The following PAG1 variants were observed in gnomAD, a reference collection of about 807,000 sequenced individuals.
PAG1 encodes the protein phosphoprotein membrane anchor with glycosphingolipid microdomains 1, also known as phosphoprotein associated with glycosphingolipid-enriched microdomains 1.
Under a neutral mutation model 31.7 loss-of-function variants are expected in PAG1, and 23 were observed. That is an observed-to-expected ratio of 0.73 (90% CI 0.52 to 1.03). PAG1 has a LOEUF of 1.03. Among genes scored for constraint, PAG1 ranks in the 50% least tolerant of loss-of-function variants. The pLI, the probability that PAG1 is intolerant of heterozygous loss-of-function variation, is 0.00. For synonymous variants in PAG1, 214 were observed against 210.3 expected, an observed-to-expected ratio of 1.02 and a Z score of -0.15; for missense variants, 473 against 540.7, an observed-to-expected ratio of 0.87 and a Z score of 1.24.
intron 1 of PAG1, among the ~76,000 whole-genome samples, chr8:81,083,678 T>C (rs1034471078): frequency 1.1e-4 from 16 of 152,222 alleles, no homozygotes; most frequent in African/African-American, 3.1e-4. Context: ...TTTCATCTTT[T>C]ACTTATTTGT....
intron 4 of PAG1, among the ~76,000 whole-genome samples, chr8:80,991,925 T>A (rs963791708): frequency 2.7e-5 from 4 of 150,060 alleles, no homozygotes; most frequent in Non-Finnish European, 5.9e-5. Flanking sequence ...CACACTGCAG[T>A]GGGATGGAGA....
At chr8:80,982,937 TCTC>T (rs1280578275) in intron 7 of PAG1, among the ~76,000 whole-genome samples, 1 of 152,140 alleles carries the variant, frequency 6.6e-6, no homozygotes, top group East Asian at 1.9e-4. Context: ...ACCCAATTGT[TCTC>T]CTCACTTCTA....
chr8:81,037,479 G>A (rs562955731), intron 2 of PAG1, among the ~76,000 whole-genome samples: 25 of 152,278 alleles, frequency 1.6e-4, no homozygotes, highest in African/African-American at 5.5e-4. Context: ...TCAAATGACC[G>A]AAGTGTTCAA....
intron 1 of PAG1, among the ~76,000 whole-genome samples, chr8:81,104,943 C>T (rs536137840): frequency 6.6e-6 from 1 of 152,236 alleles, no homozygotes; most frequent in Admixed American, 6.5e-5. Context: ...TCTCCATCTC[C>T]AGTCTCACTC....
chr8:80,982,365 A>C (rs1807325729), intron 7 of PAG1, among the ~76,000 whole-genome samples: 1 of 151,278 alleles, frequency 6.6e-6, no homozygotes, highest in African/African-American at 2.4e-5. Flanking sequence ...GCGGCCCGCC[A>C]CTCCTTCCTT....
At chr8:81,041,664 C>T (rs1443597350) in intron 2 of PAG1, among the ~76,000 whole-genome samples, 2 of 152,192 alleles carry the variant, frequency 1.3e-5, no homozygotes, top group African/African-American at 4.8e-5. Flanking sequence ...TTAGGTAGTA[C>T]ATTTAGTAAT....
intron 3 of PAG1, among the ~76,000 whole-genome samples, chr8:81,001,262 C>G (rs1318439775): frequency 1.3e-5 from 2 of 152,238 alleles, no homozygotes; most frequent in Non-Finnish European, 2.9e-5. Flanking sequence ...ACTGACCTAT[C>G]TGGTTCATAA....
intron 1 of PAG1, among the ~76,000 whole-genome samples, chr8:81,090,022 A>C (rs1385652681): frequency 6.6e-6 from 1 of 152,192 alleles, no homozygotes; most frequent in Non-Finnish European, 1.5e-5. Flanking sequence ...CAATAGTTCT[A>C]TAATTCTCTT....
chr8:81,101,124 G>C (rs1215549418), intron 1 of PAG1, among the ~76,000 whole-genome samples: 1 of 152,212 alleles, frequency 6.6e-6, no homozygotes, highest in Non-Finnish European at 1.5e-5. Flanking sequence ...TGTAAGTTTA[G>C]TACATCAGTG....
chr8:81,004,044 G>A (rs911744703), intron 3 of PAG1, among the ~76,000 whole-genome samples: 2 of 152,082 alleles, frequency 1.3e-5, no homozygotes, highest in Non-Finnish European at 1.5e-5. Context: ...TACAAGTCTC[G>A]TTATTTTTTC....
chr8:81,013,216 C>T (rs1808014488), intron 3 of PAG1, among the ~76,000 whole-genome samples: 1 of 152,202 alleles, frequency 6.6e-6, no homozygotes, highest in South Asian at 2.1e-4. Context: ...AAGGTATGGT[C>T]TTGGGTTCTT....
At chr8:81,051,926 C>T (rs1385966328) in intron 2 of PAG1, among the ~76,000 whole-genome samples, 2 of 151,962 alleles carry the variant, frequency 1.3e-5, no homozygotes, top group South Asian at 2.1e-4. Flanking sequence ...GTCAGGAGAT[C>T]GAGACCGTCC....
intron 2 of PAG1, among the ~76,000 whole-genome samples, chr8:81,031,445 AC>A (rs1219201712): frequency 6.6e-6 from 1 of 152,152 alleles, no homozygotes; most frequent in African/African-American, 2.4e-5. Flanking sequence ...CTCCTTCTGA[AC>A]CCCTGCCATG....
chr8:80,979,741 T>A (rs549165225), intron 8 of PAG1, among the ~76,000 whole-genome samples: 2 of 152,316 alleles, frequency 1.3e-5, no homozygotes, highest in South Asian at 4.1e-4. Context: ...TACAGCTAGA[T>A]CAATTAAGGT....
At chr8:81,027,222 G>T (rs1483841097) in intron 3 of PAG1, among the ~76,000 whole-genome samples, 3 of 151,984 alleles carry the variant, frequency 2.0e-5, no homozygotes, top group Middle Eastern at 3.2e-3. Flanking sequence ...GGCTGGTCTC[G>T]AACTCCTGGA....
Position 80,969,726 on chromosome 8 carries a change from AC to A in PAG1, c.*6817del, listed in dbSNP as rs1807037815. ...TCTGCTAATTTTGAAAAAAAGTTAC[AC>A]TCTAAAATGTCCATTCAAAGAATTA... On this transcript the variant is annotated 3_prime_UTR_variant, in exon 9 of 9. Transcript: ENST00000220597. 6.6e-6 allele frequency: 1 copy of A among 152,218 alleles called. No homozygotes were observed. The highest frequency in any genetic ancestry group is 2.1e-4 in the South Asian group (1 of 4,830). 9.4% of individuals were successfully genotyped at this position (152,218 alleles called of 1,614,324 possible). A position where few individuals can be genotyped will look rare whatever the true frequency, so the allele number is the denominator to read the frequency against.
rs902858151 is a variant in PAG1, at chr8:80,969,691, A to G, written c.*6853T>C. On this transcript the variant is annotated 3_prime_UTR_variant, in exon 9 of 9. Coordinates refer to ENST00000220597, the MANE Select transcript of PAG1 (RefSeq NM_018440.4). ...CTAAATGTATAAAGAGAATGAGCAG[A>G]GATATCTGTTCTGCTAATTTTGAAA... The G allele has an allele frequency of 6.6e-6, 1 of 152,242 alleles. No individual in the cohort carries two copies. The highest frequency in any genetic ancestry group is 2.4e-5 in the African/African-American group (1 of 41,452). The allele number at this position is 152,242 out of a possible 1,614,324, so 9.4% of individuals were successfully genotyped here. A position where few individuals can be genotyped will look rare whatever the true frequency, so the allele number is the denominator to read the frequency against.
chr8:80,993,663 T>C (rs913874588), intron 3 of PAG1, among the ~76,000 whole-genome samples: 2 of 149,856 alleles, frequency 1.3e-5, no homozygotes, highest in African/African-American at 4.9e-5. Flanking sequence ...AGGGGCGCAA[T>C]CATGGATCAC....
At chr8:81,109,325 T>C (rs748439911) in intron 1 of PAG1, among the ~76,000 whole-genome samples, 15 of 152,222 alleles carry the variant, frequency 9.9e-5, no homozygotes, top group South Asian at 2.1e-4. Context: ...CATTTGCAAG[T>C]TGAGGCAGCA....
Sources: allele counts gnomAD v4.1 joint callset (sites outside exome capture counted in the v4.1 genomes callset), GRCh38; gene constraint gnomAD v4.1.1; transcripts MANE v1.5; gene names NCBI Gene and HGNC (gene_info 2026-07-23, HGNC 2026-07-21).